URI1: variants seen among roughly 807,000 people sequenced by gnomAD.
The protein encoded by URI1 is URI1 prefoldin like chaperone, also known as unconventional prefoldin RPB5 interactor 1.
URI1 carries 39 observed loss-of-function variants against 60.2 expected under a neutral mutation model. The observed-to-expected ratio is 0.65, with a 90% CI of 0.50 to 0.85. The LOEUF (loss-of-function observed/expected upper bound fraction) is 0.85. Among genes scored for constraint, URI1 ranks in the 40% least tolerant of loss-of-function variants. URI1 has a pLI of 0.00. For missense variants in URI1, 691 were observed against 665.9 expected (o/e 1.04, Z -0.42); for synonymous variants, 251 against 236.8 (o/e 1.06, Z -0.55).
At chr19:29,995,205 AT>A (rs1183273899) in intron 4 of URI1, among the ~76,000 whole-genome samples, 2 of 152,080 alleles carry the variant, frequency 1.3e-5, no homozygotes, top group Admixed American at 6.5e-5. Context: ...TTGTTACTAT[AT>A]TTTTTATATA....
intron 2 of URI1, among the ~76,000 whole-genome samples, chr19:29,984,682 AAAAAT>A (rs1378859253): frequency 6.6e-6 from 1 of 152,330 alleles, no homozygotes; most frequent in East Asian, 1.9e-4. Context: ...TTTTAAAACT[AAAAAT>A]AAAACCACAT....
chr19:30,015,223 A>G lies in URI1; in HGVS notation c.*154A>G. On this transcript the variant is annotated 3_prime_UTR_variant, in exon 11 of 11. Transcript: ENST00000392271. ...TTACCCTTACCCGTGGTATTTGAAAAAAATCAAGGTAACTGTCTGAATACT... is the reference window on the plus strand; with the variant it reads ...TTACCCTTACCCGTGGTATTTGAAAGAAATCAAGGTAACTGTCTGAATACT... The G allele has an allele frequency of 7.0e-7, 1 of 1,422,492 alleles. No homozygotes were observed. The allele number at this position is 1,422,492 out of a possible 1,614,324, so 88.1% of individuals were successfully genotyped here.
intron 6 of URI1, among the ~76,000 whole-genome samples, chr19:30,006,383 T>C (rs530760766): frequency 6.6e-6 from 1 of 152,276 alleles, no homozygotes; most frequent in East Asian, 1.9e-4. Flanking sequence ...GTTTTGACTT[T>C]CAGCACTCAT....
At chr19:29,979,737 T>C (rs1430893374) in intron 2 of URI1, among the ~76,000 whole-genome samples, 1 of 152,190 alleles carries the variant, frequency 6.6e-6, no homozygotes, top group Non-Finnish European at 1.5e-5. Context: ...GAACATAGAT[T>C]ATTTCATCAG....
At chr19:29,942,149 G>A (rs931939159), upstream of URI1, 4 of 936,138 alleles carry the variant, frequency 4.3e-6, no homozygotes, top group African/African-American at 3.6e-5. Context: ...CGCATCAAGC[G>A]CACTCCCCTG....
At chr19:29,950,270 A>C (rs2055163342) in intron 1 of URI1, among the ~76,000 whole-genome samples, 1 of 152,216 alleles carries the variant, frequency 6.6e-6, no homozygotes, top group Non-Finnish European at 1.5e-5. Context: ...CTGGGGGGAA[A>C]GGGGGAAGAA....
At chr19:30,006,908 G>A (rs971556323) in intron 6 of URI1, among the ~76,000 whole-genome samples, 2 of 152,068 alleles carry the variant, frequency 1.3e-5, no homozygotes, top group African/African-American at 4.8e-5. Context: ...AAGTAGAGAT[G>A]TTCATATGTA....
rs375986315 is a variant in URI1 at position 29,942,598 on chromosome 19, C to T, written c.51C>T (p.Ala17=). The change falls in exon 1 of 11, where the codon GCC becomes GCT. Residue 17 remains alanine, a synonymous_variant. Coordinates refer to ENST00000392271, the MANE Select transcript of URI1 (RefSeq NM_003796.3). ...CCCCCGACCCCTCGCCCCCTTCGGC[C>T]CCGGCCCCTGCCCTGGTTCCGTTGC... The part of the protein sequence containing the change: ...ETPPDPSPPS[A]PAPALVPLRA... 3 of 1,453,014 alleles carry T rather than the reference C, an allele frequency of 2.1e-6. No homozygotes were observed. Among genetic ancestry groups the T allele is most frequent in the South Asian group, 1.4e-5 (1 of 73,506 alleles). The allele number at this position is 1,453,014 out of a possible 1,614,324, so 90.0% of individuals were successfully genotyped here. A position where few individuals can be genotyped will look rare whatever the true frequency, so the allele number is the denominator to read the frequency against.
chr19:29,941,380 G>A (rs1029321805), upstream of URI1, among the ~76,000 whole-genome samples: 3 of 152,126 alleles, frequency 2.0e-5, no homozygotes, highest in Admixed American at 1.3e-4. Flanking sequence ...GGGAATCCAA[G>A]ACAGGAGGTT....
intron 2 of URI1, among the ~76,000 whole-genome samples, chr19:29,975,422 A>G (rs1225410173): frequency 6.6e-6 from 1 of 152,038 alleles, no homozygotes; most frequent in Non-Finnish European, 1.5e-5. Flanking sequence ...ACATGTTTCA[A>G]AATTTAGGAG....
intron 1 of URI1, chr19:29,956,448 G>A: frequency 6.3e-7 from 1 of 1,587,214 alleles, no homozygotes; most frequent in Non-Finnish European, 8.5e-7. Flanking sequence ...CTTTTTCAGA[G>A]ACATAGATAC....
In URI1 at chr19:29,965,446, C is replaced by T. The variant is rs148751843; in HGVS notation, c.118-5747C>T. Among the ~76,000 whole-genome samples the T allele has an allele frequency of 9.9e-5, 15 of 152,266 alleles. No individual in the cohort carries two copies. In the East Asian group the frequency reaches 1.9e-3, roughly 20 times the overall value. On this transcript the variant is annotated intron_variant, in intron 1 of 10. Coordinates refer to ENST00000392271, the MANE Select transcript of URI1 (RefSeq NM_003796.3). ...AGGTCACAATTTCTTATCTGCAGTT[C>T]GGAAGCCTGAAAAGCACTGAAAACA...
intron 10 of URI1, among the ~76,000 whole-genome samples, chr19:30,013,684 T>G (rs891850398): frequency 1.3e-5 from 2 of 152,188 alleles, no homozygotes; most frequent in African/African-American, 4.8e-5. Flanking sequence ...AAGAAATAGT[T>G]CATGATTATG....
intron 1 of URI1, among the ~76,000 whole-genome samples, chr19:29,947,014 T>A (rs2055111029): frequency 6.6e-6 from 1 of 152,086 alleles, no homozygotes; most frequent in African/African-American, 2.4e-5. Context: ...GGAGGGATGG[T>A]GTCTTCTGTA....
upstream of URI1, among the ~76,000 whole-genome samples, chr19:29,938,222 T>C (rs2054990285): frequency 6.6e-6 from 1 of 152,092 alleles, no homozygotes; most frequent in East Asian, 1.9e-4. Context: ...CATACAAGCA[T>C]GTGGCACCAA....
chr19:29,987,403 G>A (rs1287660377), intron 4 of URI1, among the ~76,000 whole-genome samples: 1 of 152,130 alleles, frequency 6.6e-6, no homozygotes, highest in Non-Finnish European at 1.5e-5. Context: ...ACTCCTATAA[G>A]TTTATAATTG....
intron 1 of URI1, among the ~76,000 whole-genome samples, chr19:29,964,755 C>T (rs1482545122): frequency 1.3e-5 from 2 of 151,866 alleles, no homozygotes; most frequent in East Asian, 3.8e-4. Context: ...AGCCACCACA[C>T]CCGGCCAGTG....
At chr19:30,008,592 C>T (rs543923518) in intron 7 of URI1, among the ~76,000 whole-genome samples, 7 of 151,996 alleles carry the variant, frequency 4.6e-5, no homozygotes, top group African/African-American at 1.7e-4. Context: ...TTAAAAATTA[C>T]AATAATACAT....
intron 4 of URI1, among the ~76,000 whole-genome samples, chr19:30,003,615 C>T (rs920842119): frequency 3.3e-5 from 5 of 152,008 alleles, no homozygotes; most frequent in African/African-American, 1.2e-4. Flanking sequence ...TTCTTACATG[C>T]GTGAGTTATG....
Sources: gnomAD v4.1 joint callset for allele counts (sites outside exome capture counted in the v4.1 genomes callset) on GRCh38, gnomAD v4.1.1 for gene constraint, MANE v1.5 for transcripts, NCBI Gene and HGNC (gene_info 2026-07-23, HGNC 2026-07-21) for gene names.